The following SLC24A2 variants were observed in gnomAD, a reference collection of about 807,000 sequenced individuals.
SLC24A2 encodes the protein sodium/potassium/calcium exchanger 2.
SLC24A2 carries 36 observed loss-of-function variants against 62.0 expected under a neutral mutation model. That is an observed-to-expected ratio of 0.58 (90% CI 0.44 to 0.77). The LOEUF is 0.77. Among genes scored for constraint, SLC24A2 ranks in the 30% least tolerant of loss-of-function variants. The pLI, the probability that SLC24A2 is intolerant of heterozygous loss-of-function variation, is 0.00. For synonymous variants in SLC24A2, 358 were observed against 294.0 expected, an observed-to-expected ratio of 1.22 and a Z score of -2.23; for missense variants, 846 against 817.9, an observed-to-expected ratio of 1.03 and a Z score of -0.42.
intron 8 of SLC24A2, among the ~76,000 whole-genome samples, chr9:19,540,788 T>A (rs1834214450): frequency 8.2e-6 from 1 of 121,532 alleles, no homozygotes; most frequent in Non-Finnish European, 1.7e-5. Flanking sequence ...CTGGATAATA[T>A]CCTGCAGAGT....
chr9:19,861,936 T>C, the SLC24A2 span, among the ~76,000 whole-genome samples: 1 of 152,186 alleles, frequency 6.6e-6, no homozygotes, highest in East Asian at 1.9e-4. Context: ...ATGAAGCATG[T>C]CTACGGGATC....
At chr9:19,937,400 T>A in the SLC24A2 span, among the ~76,000 whole-genome samples, 1 of 152,244 alleles carries the variant, frequency 6.6e-6, no homozygotes, top group Non-Finnish European at 1.5e-5. Context: ...AGATTGCTGG[T>A]GTCACACTCA....
At chr9:20,198,652 T>TCTCTCTCTCTCTCTCTCA in the SLC24A2 span, among the ~76,000 whole-genome samples, 3 of 147,730 alleles carry the variant, frequency 2.0e-5, no homozygotes, top group East Asian at 3.9e-4. Context: ...TCCCCTCGCA[T>TCTCTCTCTCTCTCTCTCA]CTCTCTCTCT....
At chr9:20,007,367 T>C in the SLC24A2 span, among the ~76,000 whole-genome samples, 729 of 152,250 alleles carry the variant, frequency 4.8e-3, 38 homozygotes, top group South Asian at 0.11. Context: ...AAAAGGTGCA[T>C]TGATTAACTG....
the SLC24A2 span, among the ~76,000 whole-genome samples, chr9:19,868,047 C>A: frequency 6.6e-6 from 1 of 151,510 alleles, no homozygotes; most frequent in Non-Finnish European, 1.5e-5. Context: ...TTATTGTGCT[C>A]TTTATTTTAC....
At chr9:19,839,475 C>CTT in the SLC24A2 span, among the ~76,000 whole-genome samples, 1 of 151,216 alleles carries the variant, frequency 6.6e-6, no homozygotes, top group East Asian at 1.9e-4. Context: ...TTATATTTTT[C>CTT]TTTTTTTTTC....
At chr9:19,885,773 C>CAGTATGTA in the SLC24A2 span, among the ~76,000 whole-genome samples, 1 of 152,002 alleles carries the variant, frequency 6.6e-6, no homozygotes, top group Non-Finnish European at 1.5e-5. Context: ...AATTAGGCCC[C>CAGTATGTA]AGTATGTATT....
chr9:20,295,627 T>TC, the SLC24A2 span, among the ~76,000 whole-genome samples: 4 of 151,802 alleles, frequency 2.6e-5, no homozygotes, highest in Non-Finnish European at 5.9e-5. Context: ...GGTGAACTGG[T>TC]CTTCCACTGA....
At chr9:20,281,478 G>A in the SLC24A2 span, among the ~76,000 whole-genome samples, 1,471 of 151,948 alleles carry the variant, frequency 9.7e-3, 21 homozygotes, top group African/African-American at 0.032. Flanking sequence ...CTCTTTTCTC[G>A]GTCACTACTC....
chr9:20,245,290 A>G, the SLC24A2 span, among the ~76,000 whole-genome samples: 1 of 152,230 alleles, frequency 6.6e-6, no homozygotes, highest in African/African-American at 2.4e-5. Context: ...CGGGTTACCT[A>G]TGAAGGAGCA....
the SLC24A2 span, among the ~76,000 whole-genome samples, chr9:20,098,506 G>T: frequency 6.6e-6 from 1 of 152,152 alleles, no homozygotes; most frequent in East Asian, 1.9e-4. Flanking sequence ...AACCAAAGGA[G>T]CCATGTTGTC....
the SLC24A2 span, among the ~76,000 whole-genome samples, chr9:19,841,666 G>T: frequency 6.6e-6 from 1 of 152,200 alleles, no homozygotes; most frequent in South Asian, 2.1e-4. Context: ...GTCAAGTGAG[G>T]ACACTGAATA....
intron 8 of SLC24A2, among the ~76,000 whole-genome samples, chr9:19,536,358 G>C (rs530508871): frequency 2.1e-4 from 20 of 96,278 alleles, no homozygotes; most frequent in African/African-American, 6.0e-4. Flanking sequence ...CCCCTCCCCC[G>C]ACCCCACCAC....
chr9:20,164,527 CT>C, the SLC24A2 span, among the ~76,000 whole-genome samples: 1 of 150,310 alleles, frequency 6.7e-6, no homozygotes, highest in African/African-American at 2.4e-5. Flanking sequence ...CACTTTTACA[CT>C]GTTGGTGGGA....
the SLC24A2 span, among the ~76,000 whole-genome samples, chr9:20,204,163 T>C: frequency 6.6e-6 from 1 of 152,220 alleles, no homozygotes; most frequent in Non-Finnish European, 1.5e-5. Flanking sequence ...GGTAAAGTCA[T>C]TGAATTGCAT....
At chr9:19,670,098 T>A (rs908534483) in intron 2 of SLC24A2, among the ~76,000 whole-genome samples, 1 of 152,124 alleles carries the variant, frequency 6.6e-6, no homozygotes, top group Non-Finnish European at 1.5e-5. Flanking sequence ...TATCATTCCG[T>A]CTCACAAGTC....
chr9:19,779,046 A>G (rs1293438579), intron 2 of SLC24A2, among the ~76,000 whole-genome samples: 3 of 152,248 alleles, frequency 2.0e-5, no homozygotes, highest in Non-Finnish European at 4.4e-5. Flanking sequence ...AGAGCAGATT[A>G]GACAAAATTA....
chr9:19,541,876 C>T (rs1407024622), intron 8 of SLC24A2, among the ~76,000 whole-genome samples: 6 of 151,850 alleles, frequency 4.0e-5, no homozygotes, highest in African/African-American at 1.2e-4. Flanking sequence ...GGCGTAGGAC[C>T]CTCTGAGCCA....
chr9:20,053,235 A>G, the SLC24A2 span, among the ~76,000 whole-genome samples: 523 of 152,134 alleles, frequency 3.4e-3, 1 homozygote, highest in African/African-American at 0.011. Flanking sequence ...TCATCCAGCC[A>G]TCCTATAAAT....
Sources: allele counts gnomAD v4.1 joint callset (sites outside exome capture counted in the v4.1 genomes callset), GRCh38; gene constraint gnomAD v4.1.1; transcripts MANE v1.5; gene names NCBI Gene and HGNC (gene_info 2026-07-23, HGNC 2026-07-21).